PTCHD4: variants seen among roughly 807,000 people sequenced by gnomAD.
PTCHD4 encodes patched domain-containing protein 4.
A neutral mutation model predicts 58.1 loss-of-function variants in PTCHD4; 33 were observed. The ratio of observed to expected loss-of-function variants is 0.57; its 90% CI spans 0.43 to 0.76. The LOEUF is 0.76. Among genes scored for constraint, PTCHD4 ranks in the 30% least tolerant of loss-of-function variants. PTCHD4 has a pLI of 0.00. For synonymous variants in PTCHD4, 478 were observed against 409.6 expected (o/e 1.17, Z -2.02); for missense variants, 1,058 against 1,027.1 (o/e 1.03, Z -0.41).
At chr6:48,107,399 T>G (rs994436897) in intron 1 of PTCHD4, among the ~76,000 whole-genome samples, 2 of 152,246 alleles carry the variant, frequency 1.3e-5, no homozygotes, top group South Asian at 2.1e-4. Context: ...GCTAGCCATA[T>G]GTAGAAAGCT....
intron 4 of PTCHD4, among the ~76,000 whole-genome samples, chr6:47,913,540 G>A (rs1765133646): frequency 6.6e-6 from 1 of 152,092 alleles, no homozygotes; most frequent in African/African-American, 2.4e-5. Flanking sequence ...GGGCAAACTA[G>A]TGCTTAATAA....
At chr6:47,946,649 C>G (rs112308048) in intron 4 of PTCHD4, among the ~76,000 whole-genome samples, 1 of 152,104 alleles carries the variant, frequency 6.6e-6, no homozygotes, top group Non-Finnish European at 1.5e-5. Context: ...TTTTAACCAA[C>G]CAGTTCAGTG....
At chr6:47,945,540 G>T (rs1581915878) in intron 4 of PTCHD4, among the ~76,000 whole-genome samples, 1 of 151,482 alleles carries the variant, frequency 6.6e-6, no homozygotes, top group African/African-American at 2.4e-5. Context: ...GTTTAGTTTT[G>T]CTTATTTTTA....
At chr6:47,926,576 A>G (rs1321920169) in intron 4 of PTCHD4, among the ~76,000 whole-genome samples, 1 of 152,226 alleles carries the variant, frequency 6.6e-6, no homozygotes, top group African/African-American at 2.4e-5. Flanking sequence ...TGTTCACTTG[A>G]TTCATAAGCA....
At chr6:48,029,313 CAT>C (rs1763356996) in intron 3 of PTCHD4, among the ~76,000 whole-genome samples, 1 of 152,046 alleles carries the variant, frequency 6.6e-6, no homozygotes, top group African/African-American at 2.4e-5. Context: ...AAAACTCTGA[CAT>C]ATACAGTACT....
intron 4 of PTCHD4, among the ~76,000 whole-genome samples, chr6:47,906,313 G>T (rs567543475): frequency 3.9e-5 from 6 of 152,338 alleles, no homozygotes; most frequent in Non-Finnish European, 5.9e-5. Flanking sequence ...AGACTATCAA[G>T]AATGTTTTCC....
At chr6:47,886,070 G>A (rs1256232103) in intron 4 of PTCHD4, among the ~76,000 whole-genome samples, 3 of 151,290 alleles carry the variant, frequency 2.0e-5, no homozygotes, top group Admixed American at 6.6e-5. Context: ...TGCCCGCCTC[G>A]GCCTCCCAAA....
At chr6:47,905,409 C>T (rs982805368) in intron 4 of PTCHD4, among the ~76,000 whole-genome samples, 2 of 152,078 alleles carry the variant, frequency 1.3e-5, no homozygotes, top group African/African-American at 4.8e-5. Flanking sequence ...TGGTTTAATT[C>T]AGCAAACATT....
intron 3 of PTCHD4, among the ~76,000 whole-genome samples, chr6:48,019,395 T>C (rs1329780442): frequency 6.6e-6 from 1 of 152,118 alleles, no homozygotes; most frequent in East Asian, 1.9e-4. Flanking sequence ...AAAGGGCCTA[T>C]GGTGTGGGGT....
At chr6:47,893,172 A>G (rs1045943285) in intron 4 of PTCHD4, among the ~76,000 whole-genome samples, 1 of 152,018 alleles carries the variant, frequency 6.6e-6, no homozygotes, top group Non-Finnish European at 1.5e-5. Flanking sequence ...CACCACGCCC[A>G]GCTAATTTTT....
intron 1 of PTCHD4, among the ~76,000 whole-genome samples, chr6:48,100,625 C>T (rs145285568): frequency 6.6e-6 from 1 of 152,070 alleles, no homozygotes; most frequent in South Asian, 2.1e-4. Flanking sequence ...GAATAAGAAG[C>T]CTGAGAAAAT....
intron 4 of PTCHD4, among the ~76,000 whole-genome samples, chr6:47,976,481 C>T (rs1335293517): frequency 6.6e-6 from 1 of 151,908 alleles, no homozygotes; most frequent in Non-Finnish European, 1.5e-5. Context: ...GGTGAAACCC[C>T]CATCTCTACT....
At chr6:48,055,681 C>G (rs142359827) in intron 3 of PTCHD4, among the ~76,000 whole-genome samples, 4 of 152,202 alleles carry the variant, frequency 2.6e-5, no homozygotes, top group African/African-American at 9.7e-5. Context: ...CCCTCAGAGA[C>G]GTATGCTCTA....
In PTCHD4 at chr6:47,914,005, AT is replaced by A. The variant is rs369681583; in HGVS notation, c.899-34070del. 1.2e-4 allele frequency among the ~76,000 whole-genome samples: 18 copies of A among 152,088 alleles called. No individual in the cohort carries two copies. The East Asian group carries it at 2.3e-3, about 20-fold the overall frequency. On this transcript the variant is annotated intron_variant, in intron 4 of 4. Coordinates refer to ENST00000339488, the MANE Select transcript of PTCHD4 (RefSeq NM_001384253.1). The stretch of plus-strand genomic sequence containing the variant: ...ATGTACAAGTGTTAACATAATAGTG[AT>A]TTTTTTTCTCTCATGTTTGTTATTG...
At chr6:47,932,941 T>C (rs372610256) in intron 4 of PTCHD4, among the ~76,000 whole-genome samples, 6 of 152,232 alleles carry the variant, frequency 3.9e-5, no homozygotes, top group African/African-American at 1.4e-4. Context: ...GCACTGGTAC[T>C]AAGTTTTTTG....
chr6:48,040,491 T>C (rs892626818), intron 3 of PTCHD4, among the ~76,000 whole-genome samples: 1 of 151,844 alleles, frequency 6.6e-6, no homozygotes, highest in Non-Finnish European at 1.5e-5. Context: ...AAATGTCTGG[T>C]GCATCCTATT....
intron 4 of PTCHD4, among the ~76,000 whole-genome samples, chr6:47,955,642 T>G (rs972575415): frequency 5.3e-5 from 8 of 152,238 alleles, no homozygotes; most frequent in Non-Finnish European, 1.0e-4. Context: ...ATTTTTTTAA[T>G]GGATCAGAAT....
intron 4 of PTCHD4, among the ~76,000 whole-genome samples, chr6:47,919,884 G>A (rs746564075): frequency 2.0e-5 from 3 of 152,060 alleles, no homozygotes; most frequent in East Asian, 1.9e-4. Context: ...CAATGAGGTC[G>A]GGTCATGTGA....
chr6:48,058,816 C>T lies in PTCHD4; in HGVS notation c.417+9414G>A, dbSNP rs553377396. Among the ~76,000 whole-genome samples, 11 of 152,250 alleles carry T rather than the reference C, an allele frequency of 7.2e-5. No individual in the cohort carries two copies. In the South Asian group the frequency reaches 1.2e-3, roughly 17 times the overall value. On this transcript the variant is annotated intron_variant, in intron 3 of 4. Coordinates refer to ENST00000339488, the MANE Select transcript of PTCHD4 (RefSeq NM_001384253.1). ...TCCTTAGCAAAGAGAGGTCACATTCCGAATAATGACCTGCAGGCAGCTCCA... is the reference window on the plus strand; with the variant it reads ...TCCTTAGCAAAGAGAGGTCACATTCTGAATAATGACCTGCAGGCAGCTCCA...
Sources: gnomAD v4.1 joint callset for allele counts (sites outside exome capture counted in the v4.1 genomes callset) on GRCh38, gnomAD v4.1.1 for gene constraint, MANE v1.5 for transcripts, NCBI Gene and HGNC (gene_info 2026-07-23, HGNC 2026-07-21) for gene names.